Variants in CDH15 observed in about 807,000 individuals in gnomAD.
The protein encoded by CDH15 is cadherin-15.
In CDH15, 73 loss-of-function variants were observed where a neutral mutation model predicts 69.4. That is an observed-to-expected ratio of 1.05 (90% CI 0.87 to 1.28). The LOEUF (loss-of-function observed/expected upper bound fraction) is 1.28, where lower values mean the gene tolerates loss of function less well. Ranked by LOEUF, CDH15 falls within the 50% of genes most tolerant of loss-of-function variation. CDH15 has a pLI of 0.00. For synonymous variants in CDH15, 624 were observed against 507.7 expected, an observed-to-expected ratio of 1.23 and a Z score of -3.08; for missense variants, 1,343 against 1,133.6, an observed-to-expected ratio of 1.18 and a Z score of -2.65.
rs778525137 is a variant in CDH15 at position 89,193,520 on chromosome 16, G to A, written c.1906G>A (p.Gly636Ser). Residue 636 changes from glycine to serine, a missense_variant, in exon 12 of 14, where the codon GGC becomes AGC. Transcript: ENST00000289746. ...LRARFWKQSR[G>S]KGLLHGPQDD... ...GGCGCGGTTCTGGAAGCAGTCTCGG[G>A]GCAAGGGGCTGCTGCACGGCCCCCA... The A allele has an allele frequency of 7.4e-6, 12 of 1,612,070 alleles. No individual in the cohort carries two copies. The African/African-American group carries it at 1.3e-4, about 18-fold the overall frequency.
chr16:89,188,155 TGGA>T lies in CDH15; in HGVS notation c.852_854del (p.Glu284del). 1 of 1,613,336 alleles carries T rather than the reference TGGA, an allele frequency of 6.2e-7. No individual in the cohort carries two copies. Among genetic ancestry groups the T allele is most frequent in the Non-Finnish European group, 8.5e-7 (1 of 1,179,858 alleles). On this transcript the variant is annotated inframe_deletion, in exon 7 of 14. Coordinates refer to ENST00000289746, the MANE Select transcript of CDH15 (RefSeq NM_004933.3). ...GGAGTGGATGTGGGACGCCTGGAAGTGGAGGACAGGGACCTGCCAGGCTCCCCA... is the reference window on the plus strand; with the variant it reads ...GGAGTGGATGTGGGACGCCTGGAAGTGGACAGGGACCTGCCAGGCTCCCCA...
In CDH15 at chr16:89,195,130, C is replaced by G; in HGVS notation, c.2420C>G (p.Pro807Arg). The G allele has an allele frequency of 6.2e-7, 1 of 1,601,550 alleles. No homozygotes were observed. Among genetic ancestry groups the G allele is most frequent in the East Asian group, 2.2e-5 (1 of 44,716 alleles). The change falls in exon 14 of 14, where the codon CCC (proline) becomes CGC (arginine). Residue 807 changes from proline (P) to arginine (R), a missense_variant. By Grantham distance (103) the Pro-to-Arg change is moderately radical (BLOSUM62 -2). Coordinates refer to ENST00000289746, the MANE Select transcript of CDH15 (RefSeq NM_004933.3). ...REGLSPGALL[P>R]RHRGRTA ...GGTCTTTCTCCTGGGGCACTGCTAC[C>G]CAGACACAGAGGCCGGACAGCCTGA... is the stretch of plus-strand genomic sequence containing the variant.
At chr16:89,184,984 G>A (rs555763419) in intron 4 of CDH15, among the ~76,000 whole-genome samples, 189 bp from the exon 5 acceptor site, 26 of 152,318 alleles carry the variant, frequency 1.7e-4, no homozygotes, top group African/African-American at 4.3e-4. Flanking sequence ...GAAGCATCTC[G>A]ACCTGGGGGT....
chr16:89,193,396 C>G, intron 11 of CDH15, 74 bp from the exon 12 acceptor site: 1 of 1,330,960 alleles, frequency 7.5e-7, no homozygotes, highest in Non-Finnish European at 1.0e-6. Flanking sequence ...CCCCTCCTCC[C>G]ACCTCCTTCG....
At chr16:89,183,261 C>T in intron 3 of CDH15, 1 of 414,176 alleles carries the variant, frequency 2.4e-6, no homozygotes, top group South Asian at 3.7e-5. Context: ...GATTAGGAAC[C>T]CTCTGAGAGC....
In CDH15 at chr16:89,195,058, C is replaced by T. The variant is rs200243934; in HGVS notation, c.2348C>T (p.Pro783Leu). The T allele has an allele frequency of 4.0e-5, 65 of 1,612,456 alleles. No individual in the cohort carries two copies. The highest frequency in any genetic ancestry group is 1.2e-4 in the Admixed American group (7 of 59,996). ...FARLADMYGH[P>L]CGLEYGARWD... Reference sequence around the variant, plus strand: ...CGGCTGGCAGACATGTATGGGCACCCGTGCGGGTTGGAGTACGGGGCCAGA... The same window carrying T: ...CGGCTGGCAGACATGTATGGGCACCTGTGCGGGTTGGAGTACGGGGCCAGA... Residue 783 changes from proline to leucine, a missense_variant, in exon 14 of 14, where the codon CCG becomes CTG. By Grantham distance (98) the Pro-to-Leu change is moderately conservative (BLOSUM62 -3). Transcript: ENST00000289746.
chr16:89,191,944 C>A (rs770160553), intron 10 of CDH15, 50 bp downstream of exon 10: 6 of 1,489,606 alleles, frequency 4.0e-6, no homozygotes, highest in Non-Finnish European at 5.4e-6. Context: ...CTCCCCCCAC[C>A]CCCACATTCC....
intron 3 of CDH15, among the ~76,000 whole-genome samples, chr16:89,180,985 T>TTTTTTTTTTTTTTTTA: frequency 6.7e-6 from 1 of 149,168 alleles, no homozygotes; most frequent in Admixed American, 6.7e-5. Flanking sequence ...TTTTTTTTTT[T>TTTTTTTTTTTTTTTTA]TTGAGATGGA....
chr16:89,192,128 C>G (rs902742819), intron 10 of CDH15, 77 bp from the exon 11 acceptor site: 4 of 1,459,356 alleles, frequency 2.7e-6, no homozygotes, highest in African/African-American at 1.4e-5. Flanking sequence ...GATCCCCACC[C>G]TGTCTCGGCG....
chr16:89,187,452 C>A lies in CDH15; in HGVS notation c.687C>A (p.Thr229=). The A allele has an allele frequency of 6.2e-7, 1 of 1,613,402 alleles. No homozygotes were observed. Among genetic ancestry groups the A allele is most frequent in the Non-Finnish European group, 8.5e-7 (1 of 1,180,014 alleles). The change falls in exon 6 of 14, where the codon ACC becomes ACA. Residue 229 remains threonine, a synonymous_variant. Coordinates refer to ENST00000289746, the MANE Select transcript of CDH15 (RefSeq NM_004933.3). ...AGGTGGTCGCGGTGTACAATCTGAC[C>A]CTGCAGGTGGCGGACATGTCTGGAG... ...DREVVAVYNL[T]LQVADMSGDG...
At position 89,192,345 on chromosome 16, in the gene CDH15, G is replaced by C; in HGVS notation, c.1756G>C (p.Gly586Arg). The change falls in exon 11 of 14, where the codon GGC becomes CGC. Residue 586 changes from glycine (G) to arginine (R), a missense_variant. Transcript: ENST00000289746. ...GACCGTGTGCCGCTGCGGCAAGGAC[G>C]GCGTCTGCCTGCCGGGGGCCGCAGC... is the stretch of plus-strand genomic sequence containing the variant. ...NVTVCRCGKD[G>R]VCLPGAAALL... is the part of the protein sequence containing the mutation. 2.6e-6 allele frequency: 4 copies of C among 1,536,106 alleles called. No homozygotes were observed. The highest frequency in any genetic ancestry group is 3.5e-6 in the Non-Finnish European group (4 of 1,147,506).
intron 10 of CDH15, 102 bp from the exon 11 acceptor site, chr16:89,192,103 G>C: frequency 1.4e-6 from 2 of 1,408,180 alleles, no homozygotes; most frequent in Non-Finnish European, 1.9e-6. Context: ...GGGGGACCCA[G>C]GCCCAGGATC....
chr16:89,193,899 G>T lies in CDH15; in HGVS notation c.2137G>T (p.Asp713Tyr). 6.2e-7 allele frequency: 1 copy of T among 1,612,016 alleles called. No homozygotes were observed. Among genetic ancestry groups the T allele is most frequent in the Non-Finnish European group, 8.5e-7 (1 of 1,179,756 alleles). Residue 713 changes from aspartate to tyrosine, a missense_variant, in exon 13 of 14, where the codon GAC (aspartate) becomes TAC (tyrosine). Coordinates refer to ENST00000289746, the MANE Select transcript of CDH15 (RefSeq NM_004933.3). ...VLPTSPLDIA[D>Y]FINDGLEAAD... The stretch of plus-strand genomic sequence containing the variant: ...GCCCACCAGCCCCCTGGACATCGCC[G>T]ACTTCATCAATGATGTAGGTGCTCC...
Position 89,194,940 on chromosome 16 carries a change from T to G in CDH15, c.2230T>G (p.Ser744Ala). 1 of 1,608,640 alleles carries G rather than the reference T, an allele frequency of 6.2e-7. No homozygotes were observed. Among genetic ancestry groups the G allele is most frequent in the African/African-American group, 1.3e-5 (1 of 74,884 alleles). The change falls in exon 14 of 14, where the codon TCG becomes GCG. Residue 744 changes from serine (S) to alanine (A), a missense_variant. Transcript: ENST00000289746. ...CATCTATGACTACGAGGGTGACGGCTCGGTGGCGGGGACGCTGAGCTCCAT... is the reference window on the plus strand; with the variant it reads ...CATCTATGACTACGAGGGTGACGGCGCGGTGGCGGGGACGCTGAGCTCCAT... ...ALIYDYEGDG[S>A]VAGTLSSILS...
At chr16:89,192,016 C>T (rs1319094338) in intron 10 of CDH15, 122 bp downstream of exon 10, 1 of 1,170,402 alleles carries the variant, frequency 8.5e-7, no homozygotes, top group Non-Finnish European at 1.2e-6. Flanking sequence ...AACAGGTCCC[C>T]TCCCGCCACC....
intron 5 of CDH15, 107 bp from the exon 6 acceptor site, chr16:89,187,322 C>CTTCAACAACAG: frequency 7.4e-7 from 1 of 1,359,362 alleles, no homozygotes; most frequent in Middle Eastern, 2.1e-4. Flanking sequence ...CCACTGGGTG[C>CTTCAACAACAG]TCCCGTAGGA....
At position 89,171,763 on chromosome 16, in the gene CDH15, T is replaced by G; in HGVS notation, c.-69T>G. On this transcript the variant is annotated 5_prime_UTR_variant, in exon 1 of 14. Coordinates refer to ENST00000289746, the MANE Select transcript of CDH15 (RefSeq NM_004933.3). Reference sequence around the variant, plus strand: ...CCTGGCCCGCCCCGCGCACTTGCGCTGTCACTCAGCCTGGACGCGCTTCTT... The same window carrying G: ...CCTGGCCCGCCCCGCGCACTTGCGCGGTCACTCAGCCTGGACGCGCTTCTT... The G allele has an allele frequency of 6.9e-7, 1 of 1,445,330 alleles. No homozygotes were observed. Among genetic ancestry groups the G allele is most frequent in the Non-Finnish European group, 9.2e-7 (1 of 1,083,510 alleles). 89.5% of individuals were successfully genotyped at this position (1,445,330 alleles called of 1,614,324 possible).
intron 3 of CDH15, chr16:89,183,286 A>T (rs1488465286): frequency 7.8e-6 from 4 of 510,188 alleles, no homozygotes; most frequent in Non-Finnish European, 1.4e-5. Flanking sequence ...CTTTAGTCAC[A>T]CGTGAAGCTG....
intron 9 of CDH15, 69 bp from the exon 10 acceptor site, chr16:89,191,586 C>T: frequency 1.9e-6 from 3 of 1,570,208 alleles, no homozygotes; most frequent in Admixed American, 1.8e-5. Flanking sequence ...GCTGCGCACC[C>T]GCTCTGAGCC....
Sources: allele counts gnomAD v4.1 joint callset (sites outside exome capture counted in the v4.1 genomes callset), GRCh38; gene constraint gnomAD v4.1.1; transcripts MANE v1.5; gene names NCBI Gene and HGNC (gene_info 2026-07-23, HGNC 2026-07-21).